The following SLC34A1 variants were observed in gnomAD, a reference collection of about 807,000 sequenced individuals.
SLC34A1 encodes solute carrier family 34 member 1.
SLC34A1 carries 57 observed loss-of-function variants against 51.4 expected under a neutral mutation model. That is an observed-to-expected ratio of 1.11 (90% CI 0.90 to 1.38). SLC34A1 has a LOEUF of 1.38. SLC34A1 is among the 40% of genes most tolerant of loss of function. The pLI is 0.00. For missense variants in SLC34A1, 796 were observed against 835.6 expected, an observed-to-expected ratio of 0.95 and a Z score of 0.58; for synonymous variants, 368 against 358.0, an observed-to-expected ratio of 1.03 and a Z score of -0.32.
In SLC34A1 at chr5:177,387,877, A is replaced by C; in HGVS notation, c.644+4A>C. 3 of 385,476 alleles carry C rather than the reference A, an allele frequency of 7.8e-6. No individual in the cohort carries two copies. Among genetic ancestry groups the C allele is most frequent in the Non-Finnish European group, 1.0e-5 (3 of 286,046 alleles). The allele number at this position is 385,476 out of a possible 1,614,324, so 23.9% of individuals were successfully genotyped here. On this transcript the variant is annotated splice_donor_region_variant and intron_variant, in intron 6 of 12. Coordinates refer to ENST00000324417, the MANE Select transcript of SLC34A1 (RefSeq NM_003052.5). The stretch of plus-strand genomic sequence containing the variant: ...GGGACAGGACTGACTTCCGGCGGTG[A>C]GGGGGGCTGGGGGTTGGGGGCTCGT...
Position 177,393,747 on chromosome 5 carries a change from T to C in SLC34A1, c.990T>C (p.Asn330=). 6.2e-7 allele frequency: 1 copy of C among 1,614,188 alleles called. No individual in the cohort carries two copies. The highest frequency in any genetic ancestry group is 1.1e-5 in the South Asian group (1 of 91,080). ...CCAACTCCAGCCAGACCCTTGGAAA[T>C]GCCACCATGGAGAAATGTAAGTGCC... ...AEANSSQTLG[N]ATMEKCNHIF... Residue 330 remains asparagine (N), a synonymous_variant, in exon 9 of 13, where the codon AAT becomes AAC. Transcript: ENST00000324417.
chr5:177,387,964 C>G (rs750327743), intron 6 of SLC34A1, 30 bp from the exon 7 acceptor site: 8 of 1,611,302 alleles, frequency 5.0e-6, no homozygotes, highest in East Asian at 4.5e-5. Context: ...CTGGCTCGAG[C>G]CTGCCTTGCA....
chr5:177,385,847 C>T lies in SLC34A1; in HGVS notation c.106C>T (p.Gln36Ter), dbSNP rs1162165573. The change falls in exon 2 of 13, where the codon CAG becomes TAG. Residue 36 changes from glutamine (Q) to a stop codon, truncating the protein, a stop_gained. Transcript: ENST00000324417. LOFTEE classifies it high-confidence loss of function. The stretch of plus-strand genomic sequence containing the variant: ...GGCCTTTGCCTACGTGCCCAGCCCT[C>T]AGGGTAAGTGCTGCTCCCACACCCT... ...GTAFAYVPSPQVLHRIPGTSA... is the reference protein window; with the variant it reads ...GTAFAYVPSP 5 of 1,613,470 alleles carry T rather than the reference C, an allele frequency of 3.1e-6. No homozygotes were observed. The African/African-American group carries it at 6.7e-5, about 22-fold the overall frequency.
intron 12 of SLC34A1, chr5:177,397,361 AGTTTGGGG>A (rs1763004703): frequency 2.0e-6 from 1 of 508,312 alleles, no homozygotes; most frequent in Non-Finnish European, 3.6e-6. Flanking sequence ...GGCCTGGAGC[AGTTTGGGG>A]AATCCATTGC....
chr5:177,385,735 G>A lies in SLC34A1; in HGVS notation c.-7G>A, dbSNP rs937439276. ...CTGACCTGCAGACCTCATAGTGGGT[G>A]CCCAGGATGTTGTCCTACGGAGAGA... On this transcript the variant is annotated 5_prime_UTR_variant, in exon 2 of 13. Transcript: ENST00000324417. 3 of 1,607,428 alleles carry A rather than the reference G, an allele frequency of 1.9e-6. No homozygotes were observed. The highest frequency in any genetic ancestry group is 1.7e-4 in the Middle Eastern group (1 of 6,048).
chr5:177,388,338 T>C lies in SLC34A1; in HGVS notation c.902T>C (p.Leu301Pro), dbSNP rs148723160. ...TGDESLRNHS[L>P]IQIWCHPDSL... is the part of the protein sequence containing the mutation. The stretch of plus-strand genomic sequence containing the variant: ...GATGAGTCCCTGAGGAACCACAGTC[T>C]CATCCAGATCTGGTGCCACCCAGAC... Residue 301 changes from leucine to proline, a missense_variant, in exon 8 of 13, where the codon CTC becomes CCC. Physicochemically the swap from Leu to Pro is moderately conservative, Grantham distance 98 (BLOSUM62 -3). Coordinates refer to ENST00000324417, the MANE Select transcript of SLC34A1 (RefSeq NM_003052.5). This position sits in a 1 kb window ranked among gnomAD's most constrained non-coding sequence, Gnocchi z 4.3. 6.8e-6 allele frequency: 11 copies of C among 1,614,026 alleles called. No individual in the cohort carries two copies. In the African/African-American group the frequency reaches 1.3e-4, roughly 20 times the overall value.
In SLC34A1 at chr5:177,388,401, A is replaced by AG; in HGVS notation, c.936+31dup. On this transcript the variant is annotated intron_variant, in intron 8 of 12. Coordinates refer to ENST00000324417, the MANE Select transcript of SLC34A1 (RefSeq NM_003052.5). This position sits in a 1 kb window ranked among gnomAD's most constrained non-coding sequence, Gnocchi z 4.3. ...AGTCCCAGGCCTAACCCCAGGTAAG[A>AG]GGACTCCCTCTTCAGACTCTTGGTT... 1.3e-6 allele frequency: 2 copies of AG among 1,549,400 alleles called. No homozygotes were observed. Among genetic ancestry groups the AG allele is most frequent in the Non-Finnish European group, 1.8e-6 (2 of 1,121,294 alleles).
Position 177,388,217 on chromosome 5 carries a change from G to A in SLC34A1, c.840+28G>A. ...GACAGCAGGGCCTGGCATGGGGTGAGGGTGGGGGTAACAAGGGACCCAGCC... is the reference window on the plus strand; with the variant it reads ...GACAGCAGGGCCTGGCATGGGGTGAAGGTGGGGGTAACAAGGGACCCAGCC... On this transcript the variant is annotated intron_variant, in intron 7 of 12. Transcript: ENST00000324417. The surrounding 1 kb of genome is among the most constrained non-coding windows in gnomAD (Gnocchi z 4.3). 1.2e-6 allele frequency: 2 copies of A among 1,613,828 alleles called. No individual in the cohort carries two copies. Among genetic ancestry groups the A allele is most frequent in the Non-Finnish European group, 1.7e-6 (2 of 1,179,974 alleles).
At position 177,396,919 on chromosome 5, in the gene SLC34A1, G is replaced by C; in HGVS notation, c.1292-31G>C. The C allele has an allele frequency of 6.2e-7, 1 of 1,614,128 alleles. No individual in the cohort carries two copies. On this transcript the variant is annotated intron_variant, in intron 11 of 12. Coordinates refer to ENST00000324417, the MANE Select transcript of SLC34A1 (RefSeq NM_003052.5). The surrounding 1 kb of genome is among the most constrained non-coding windows in gnomAD (Gnocchi z 4.0). ...AGGGAAAGGGCCGAAGGAGACGCTG[G>C]GGGTCCCACTTCCTCTCCCTCTGTC...
At position 177,388,118 on chromosome 5, in the gene SLC34A1, A is replaced by C; in HGVS notation, c.769A>C (p.Ile257Leu). ...TCGACTTGTGGTGGCCTCCTTCAAC[A>C]TCCATGGTGGCCGTGATGCTCCTGA... ...ITRLVVASFNIHGGRDAPDLL... is the reference protein window; with the variant it reads ...ITRLVVASFNLHGGRDAPDLL... The change falls in exon 7 of 13, where the codon ATC (isoleucine) becomes CTC (leucine). Residue 257 changes from isoleucine (I) to leucine (L), a missense_variant. Physicochemically the swap from Ile to Leu is conservative, Grantham distance 5. Transcript: ENST00000324417. This position sits in a 1 kb window ranked among gnomAD's most constrained non-coding sequence, Gnocchi z 4.3. 1 of 1,613,996 alleles carries C rather than the reference A, an allele frequency of 6.2e-7. No homozygotes were observed. The highest frequency in any genetic ancestry group is 8.5e-7 in the Non-Finnish European group (1 of 1,179,974).
rs550566905 is a variant in SLC34A1, at chr5:177,395,843, A to C, written c.1175-890A>C. 2.0e-5 allele frequency among the ~76,000 whole-genome samples: 3 copies of C among 152,312 alleles called. No homozygotes were observed. In the South Asian group the frequency reaches 6.2e-4, roughly 32 times the overall value. ...GAGACAGGGTTTTGCCATGTTGGCTAGGCTGGTCTTGAATACCTGGCCTCA... is the reference window on the plus strand; with the variant it reads ...GAGACAGGGTTTTGCCATGTTGGCTCGGCTGGTCTTGAATACCTGGCCTCA... On this transcript the variant is annotated intron_variant, in intron 10 of 12. Coordinates refer to ENST00000324417, the MANE Select transcript of SLC34A1 (RefSeq NM_003052.5).
In SLC34A1 at chr5:177,398,831, T is replaced by C. The variant is rs533243952; in HGVS notation, c.*545T>C. On this transcript the variant is annotated 3_prime_UTR_variant, in exon 13 of 13. Transcript: ENST00000324417. This position sits in a 1 kb window ranked among gnomAD's most constrained non-coding sequence, Gnocchi z 4.7. ...CCTGATGGAAAAAAAACAAAGGAAT[T>C]AAAACTCTCCTCAGGCATTCGGAAG... 6 of 163,824 alleles carry C rather than the reference T, an allele frequency of 3.7e-5. No individual in the cohort carries two copies. The East Asian group carries it at 1.1e-3, about 29-fold the overall frequency. The allele number at this position is 163,824 out of a possible 1,614,324, so 10.1% of individuals were successfully genotyped here. A position where few individuals can be genotyped will look rare whatever the true frequency, so the allele number is the denominator to read the frequency against.
At position 177,397,045 on chromosome 5, in the gene SLC34A1, C is replaced by T; in HGVS notation, c.1387C>T (p.Pro463Ser). 6 of 1,613,850 alleles carry T rather than the reference C, an allele frequency of 3.7e-6. No homozygotes were observed. The highest frequency in any genetic ancestry group is 4.2e-6 in the Non-Finnish European group (5 of 1,180,006). The change falls in exon 12 of 13, where the codon CCC becomes TCC. Residue 463 changes from proline to serine, a missense_variant. Physicochemically the swap from Pro to Ser is moderately conservative, Grantham distance 74 (BLOSUM62 -1). Coordinates refer to ENST00000324417, the MANE Select transcript of SLC34A1 (RefSeq NM_003052.5). The stretch of plus-strand genomic sequence containing the variant: ...GGCCATCCTGGCTGCCCTGGCCAGC[C>T]CCAGGGAGAAGCTGTCCAGCGCTTT... ...TTAILAALAS[P>S]REKLSSAFQI...
chr5:177,386,405 C>T lies in SLC34A1; in HGVS notation c.389-18C>T, dbSNP rs1479665005. 5.0e-6 allele frequency: 8 copies of T among 1,614,120 alleles called. No homozygotes were observed. The highest frequency in any genetic ancestry group is 6.8e-6 in the Non-Finnish European group (8 of 1,180,044). On this transcript the variant is annotated intron_variant, in intron 4 of 12. Coordinates refer to ENST00000324417, the MANE Select transcript of SLC34A1 (RefSeq NM_003052.5). The surrounding 1 kb of genome is among the most constrained non-coding windows in gnomAD (Gnocchi z 4.8). Reference sequence around the variant, plus strand: ...GGTTCCTGAAGGGCCTTGGACAACGCTGGCTCATGCTCCCCAGGGAAGGTG... The same window carrying T: ...GGTTCCTGAAGGGCCTTGGACAACGTTGGCTCATGCTCCCCAGGGAAGGTG...
Position 177,397,860 on chromosome 5 carries a change from CCGCATGGCCAAGGCGCTGGGGAAA to C in SLC34A1, c.1499_1522del (p.Met500_Arg507del), listed in dbSNP as rs1297994399. On this transcript the variant is annotated inframe_deletion, in exon 13 of 13. Coordinates refer to ENST00000324417, the MANE Select transcript of SLC34A1 (RefSeq NM_003052.5). ...CGGTGCCCTGCACACGCCTGCCCAT[CCGCATGGCCAAGGCGCTGGGGAAA>C]CGCACGGCCAAGTACCGCTGGTTTG... 6.2e-7 allele frequency: 1 copy of C among 1,613,868 alleles called. No individual in the cohort carries two copies. Among genetic ancestry groups the C allele is most frequent in the Non-Finnish European group, 8.5e-7 (1 of 1,180,022 alleles).
chr5:177,398,270 A>G lies in SLC34A1; in HGVS notation c.1904A>G (p.Asn635Ser). The change falls in exon 13 of 13, where the codon AAT becomes AGT. Residue 635 changes from asparagine to serine, a missense_variant. Physicochemically the swap from Asn to Ser is conservative, Grantham distance 46 (BLOSUM62 1). Transcript: ENST00000324417. The surrounding 1 kb of genome is among the most constrained non-coding windows in gnomAD (Gnocchi z 4.7). ...SPRLALPAHH[N>S]ATRL is the part of the protein sequence containing the mutation. ...CGTCTTGCACTGCCTGCTCACCACA[A>G]TGCCACCCGCCTCTAGGCTGTGGGC... 2.5e-6 allele frequency: 4 copies of G among 1,598,888 alleles called. No homozygotes were observed. The highest frequency in any genetic ancestry group is 1.1e-5 in the South Asian group (1 of 91,062).
intron 8 of SLC34A1, among the ~76,000 whole-genome samples, chr5:177,392,307 C>CA (rs1413878526): frequency 6.6e-6 from 1 of 152,060 alleles, no homozygotes; most frequent in Non-Finnish European, 1.5e-5. Context: ...ACTAAAAATA[C>CA]AAAAAATTAG....
intron 8 of SLC34A1, chr5:177,389,600 A>C: frequency 6.5e-6 from 10 of 1,537,070 alleles, no homozygotes; most frequent in Non-Finnish European, 7.8e-6. Flanking sequence ...GAGCACTCTT[A>C]GTGCTCTCTG....
chr5:177,386,217 C>A lies in SLC34A1; in HGVS notation c.260-4C>A, dbSNP rs200580283. 272 of 1,614,166 alleles carry A rather than the reference C, an allele frequency of 1.7e-4. No homozygotes were observed. The African/African-American group carries it at 3.2e-3, about 19-fold the overall frequency. On this transcript the variant is annotated splice_polypyrimidine_tract_variant and splice_region_variant and intron_variant, in intron 3 of 12. Transcript: ENST00000324417. The surrounding 1 kb of genome is among the most constrained non-coding windows in gnomAD (Gnocchi z 4.8). The stretch of plus-strand genomic sequence containing the variant: ...CCACTATGCTCATGGCTTCCCCCAT[C>A]CAGAGTCCAGGCTGGTCCCCAAGCT...
Sources: gnomAD v4.1 joint callset for allele counts (sites outside exome capture counted in the v4.1 genomes callset) on GRCh38, gnomAD v4.1.1 for gene constraint, Gnocchi (gnomAD v3.1) non-coding constraint, MANE v1.5 for transcripts, NCBI Gene and HGNC (gene_info 2026-07-23, HGNC 2026-07-21) for gene names.